Variants in COL22A1 observed in about 807,000 individuals in gnomAD.
The protein encoded by COL22A1 is collagen alpha-1(XXII) chain.
A neutral mutation model predicts 248.9 loss-of-function variants in COL22A1; 221 were observed. The observed-to-expected ratio is 0.89, with a 90% CI of 0.80 to 0.99. The LOEUF is 0.99. Ranked by LOEUF, COL22A1 falls within the 50% of genes least tolerant of loss-of-function variation. The pLI is 0.00. For missense variants in COL22A1, 2,240 were observed against 2,179.0 expected, an observed-to-expected ratio of 1.03 and a Z score of -0.56; for synonymous variants, 891 against 793.4, an observed-to-expected ratio of 1.12 and a Z score of -2.07.
rs754346147 is a variant in COL22A1, at chr8:138,693,629, C to G, written c.2754+17G>C. ...TCCGGGGCTCCCCCACGAGGCAGGC[C>G]GATCATAGGGACTCACGGGGTTTCC... On this transcript the variant is annotated intron_variant, in intron 35 of 64. Coordinates refer to ENST00000303045, the MANE Select transcript of COL22A1 (RefSeq NM_152888.3). The G allele has an allele frequency of 3.8e-6, 6 of 1,574,246 alleles. No homozygotes were observed. Among genetic ancestry groups the G allele is most frequent in the Non-Finnish European group, 5.2e-6 (6 of 1,159,812 alleles).
chr8:138,901,255 G>A (rs1378204185), intron 1 of COL22A1, among the ~76,000 whole-genome samples: 1 of 151,860 alleles, frequency 6.6e-6, no homozygotes, highest in Admixed American at 6.6e-5. Flanking sequence ...ATTTTGGAAA[G>A]GGGAATGGGG....
In COL22A1 at chr8:138,780,934, C is replaced by G; in HGVS notation, c.1643G>C (p.Gly548Ala). 1 of 1,613,546 alleles carries G rather than the reference C, an allele frequency of 6.2e-7. No individual in the cohort carries two copies. The highest frequency in any genetic ancestry group is 1.3e-5 in the African/African-American group (1 of 75,038). ...AGACGGAACAGAACTTACTCTCATG[C>G]CTTTGCTGCCGTCTCTCCCAGGGGG... Reference protein sequence around the residue: ...PGPPGRDGSKGMRGEPGELGE... With the variant: ...PGPPGRDGSKAMRGEPGELGE... Residue 548 changes from glycine (G) to alanine (A), a missense_variant, in exon 13 of 65, where the codon GGC (glycine) becomes GCC (alanine). Gly to Ala is a moderately conservative substitution (Grantham distance 60, BLOSUM62 0). Transcript: ENST00000303045.
intron 3 of COL22A1, among the ~76,000 whole-genome samples, chr8:138,866,277 C>T (rs147729489): frequency 6.6e-6 from 1 of 152,156 alleles, no homozygotes. Flanking sequence ...CATTCTCTGA[C>T]AAGTGTAAAA....
At chr8:138,775,833 TACACACATGTGCACACATGC>T in intron 16 of COL22A1, 113 bp downstream of exon 16, 6 of 882,478 alleles carry the variant, frequency 6.8e-6, no homozygotes, top group Non-Finnish European at 1.2e-5. Context: ...AATATACATG[TACACACATGTGCACACATGC>T]ACACACAAAT....
chr8:138,750,161 C>T (rs142097512), intron 22 of COL22A1, among the ~76,000 whole-genome samples: 7 of 152,266 alleles, frequency 4.6e-5, no homozygotes, highest in African/African-American at 7.2e-5. Flanking sequence ...GTGGGACCTC[C>T]GCAGCCATGT....
At chr8:138,805,934 G>A (rs1195179755) in intron 10 of COL22A1, among the ~76,000 whole-genome samples, 1 of 139,896 alleles carries the variant, frequency 7.1e-6, no homozygotes, top group Admixed American at 6.9e-5. Context: ...GTGTGTGACT[G>A]TGTGTGTGAT....
At chr8:138,859,634 G>A (rs1440333265) in intron 3 of COL22A1, among the ~76,000 whole-genome samples, 4 of 152,128 alleles carry the variant, frequency 2.6e-5, no homozygotes, top group Admixed American at 6.5e-5. Flanking sequence ...GTGAGGGGGT[G>A]TAGCACACAA....
intron 46 of COL22A1, among the ~76,000 whole-genome samples, chr8:138,648,092 G>A (rs1804616326): frequency 2.0e-5 from 3 of 152,198 alleles, no homozygotes; most frequent in African/African-American, 7.2e-5. Flanking sequence ...TACAAGAAAT[G>A]CTGCAAATCA....
chr8:138,827,123 AGCTTCGCTGCTC>A, intron 5 of COL22A1: 2 of 288,496 alleles, frequency 6.9e-6, no homozygotes, highest in Non-Finnish European at 1.4e-5. Context: ...AGAGACACCC[AGCTTCGCTGCTC>A]CCTGCTGCAT....
intron 12 of COL22A1, among the ~76,000 whole-genome samples, chr8:138,795,894 T>C: frequency 6.6e-6 from 1 of 152,126 alleles, no homozygotes; most frequent in Non-Finnish European, 1.5e-5. Flanking sequence ...GTTACATGTG[T>C]TACATAACCA....
Position 138,871,401 on chromosome 8 carries a change from C to T in COL22A1, c.658+6349G>A, listed in dbSNP as rs576712785. 2.6e-5 allele frequency among the ~76,000 whole-genome samples: 4 copies of T among 152,262 alleles called. No homozygotes were observed. The South Asian group carries it at 6.2e-4, about 24-fold the overall frequency. ...CAGTCCCTTTGCAGTCCCTGTTCCC[C>T]GGGCCTGGAACTCAGCCTATCAATC... On this transcript the variant is annotated intron_variant, in intron 3 of 64. Transcript: ENST00000303045.
chr8:138,836,348 C>T (rs1188504916), intron 4 of COL22A1, among the ~76,000 whole-genome samples: 1 of 152,186 alleles, frequency 6.6e-6, no homozygotes, highest in Non-Finnish European at 1.5e-5. Context: ...AGTCATCAGG[C>T]CTGGACAGGA....
intron 43 of COL22A1, among the ~76,000 whole-genome samples, chr8:138,661,009 CACACACACGCACAT>C (rs1393051804): frequency 7.8e-6 from 1 of 127,920 alleles, no homozygotes; most frequent in South Asian, 2.8e-4. Flanking sequence ...CATACACAGA[CACACACACGCACAT>C]ACACACACAT....
intron 14 of COL22A1, 70 bp from the exon 15 acceptor site, chr8:138,778,476 A>C: frequency 4.0e-4 from 548 of 1,355,328 alleles, no homozygotes; most frequent in Non-Finnish European, 5.0e-4. Flanking sequence ...CGTACAGCTC[A>C]GCCAGTCCCA....
chr8:138,668,729 G>A lies in COL22A1; in HGVS notation c.3151-4989C>T, dbSNP rs73449694. On this transcript the variant is annotated intron_variant, in intron 41 of 64. Transcript: ENST00000303045. ...CAGGCCTAGTGCTGTGTGCTGGGGT[G>A]GGTGGCCAAGTGGCTGCATGGCATG... Among the ~76,000 whole-genome samples, 489 of 152,322 alleles carry A rather than the reference G, an allele frequency of 3.2e-3. 4 individuals carry two copies. Among genetic ancestry groups the A allele is most frequent in the African/African-American group, 0.011 (472 of 41,570 alleles).
chr8:138,694,020 AGC>A (rs1010515673), intron 34 of COL22A1, among the ~76,000 whole-genome samples: 1 of 152,126 alleles, frequency 6.6e-6, no homozygotes, highest in Non-Finnish European at 1.5e-5. Flanking sequence ...CTCCTACCAT[AGC>A]ACAGAGTCTC....
chr8:138,821,539 T>A (rs1819133534), intron 6 of COL22A1, 128 bp from the exon 7 acceptor site: 1 of 921,544 alleles, frequency 1.1e-6, no homozygotes, highest in Non-Finnish European at 1.7e-6. Context: ...TCTTACCAGC[T>A]GGTCACCTGC....
At chr8:138,644,075 C>T (rs186891200) in intron 47 of COL22A1, among the ~76,000 whole-genome samples, 54 of 152,272 alleles carry the variant, frequency 3.5e-4, no homozygotes, top group African/African-American at 1.3e-3. Context: ...AGCCACCACA[C>T]CTGACCCCTA....
At chr8:138,755,628 G>A in intron 19 of COL22A1, 117 bp from the exon 20 acceptor site, 4 of 1,366,326 alleles carry the variant, frequency 2.9e-6, no homozygotes, top group Non-Finnish European at 4.2e-6. Flanking sequence ...CGTGCCTCCT[G>A]ACTTTTCTCT....
Sources: gnomAD v4.1 joint callset for allele counts (sites outside exome capture counted in the v4.1 genomes callset) on GRCh38, gnomAD v4.1.1 for gene constraint, MANE v1.5 for transcripts, NCBI Gene and HGNC (gene_info 2026-07-23, HGNC 2026-07-21) for gene names.